Variants in LARGE2 observed in about 807,000 individuals in gnomAD.
LARGE2 encodes the protein xylosyl- and glucuronyltransferase LARGE2.
LARGE2 carries 63 observed loss-of-function variants against 75.3 expected under a neutral mutation model. The ratio of observed to expected loss-of-function variants is 0.84; its 90% CI spans 0.68 to 1.03. The LOEUF (loss-of-function observed/expected upper bound fraction) is 1.03. Among genes scored for constraint, LARGE2 ranks in the 50% least tolerant of loss-of-function variants. The pLI is 0.00. For synonymous variants in LARGE2, 428 were observed against 420.1 expected (o/e 1.02, Z -0.23); for missense variants, 925 against 980.6 (o/e 0.94, Z 0.76).
In LARGE2 at chr11:45,922,921, C is replaced by T. The variant is rs528298578; in HGVS notation, c.39C>T (p.Ala13=). 29 of 1,281,154 alleles carry T rather than the reference C, an allele frequency of 2.3e-5. No individual in the cohort carries two copies. In the East Asian group the frequency reaches 7.8e-4, roughly 35 times the overall value. The allele number at this position is 1,281,154 out of a possible 1,614,324, so 79.4% of individuals were successfully genotyped here. The change falls in exon 2 of 14, where the codon GCC becomes GCT. Residue 13 remains alanine (A), a synonymous_variant. Coordinates refer to ENST00000401752, the MANE Select transcript of LARGE2 (RefSeq NM_001300721.2). ...GGCGCCCCCGGGCGCTGGGGGCCGC[C>T]GCGCTGTTGCTGCTGCTGCTGCTGC... is the stretch of plus-strand genomic sequence containing the variant. ...PRGRPRALGA[A]ALLLLLLLLG...
At position 45,922,924 on chromosome 11, in the gene LARGE2, G is replaced by A; in HGVS notation, c.42G>A (p.Ala14=). 1 of 1,280,966 alleles carries A rather than the reference G, an allele frequency of 7.8e-7. No individual in the cohort carries two copies. The highest frequency in any genetic ancestry group is 9.8e-7 in the Non-Finnish European group (1 of 1,018,052). The allele number at this position is 1,280,966 out of a possible 1,614,324, so 79.3% of individuals were successfully genotyped here. A position where few individuals can be genotyped will look rare whatever the true frequency, so the allele number is the denominator to read the frequency against. ...RGRPRALGAA[A]LLLLLLLLGF... is the part of the protein sequence containing the mutation. ...GCCCCCGGGCGCTGGGGGCCGCCGC[G>A]CTGTTGCTGCTGCTGCTGCTGCTCG... The change falls in exon 2 of 14, where the codon GCG becomes GCA. Residue 14 remains alanine, a synonymous_variant. Coordinates refer to ENST00000401752, the MANE Select transcript of LARGE2 (RefSeq NM_001300721.2).
intron 3 of LARGE2, 72 bp from the exon 4 acceptor site, chr11:45,924,082 C>T: frequency 1.3e-6 from 2 of 1,553,832 alleles, no homozygotes; most frequent in Non-Finnish European, 1.7e-6. Context: ...ATCTCTGCGC[C>T]CCTCGGGGTG....
At chr11:45,922,440 C>T (rs1269537280), upstream of LARGE2, among the ~76,000 whole-genome samples, 1 of 152,046 alleles carries the variant, frequency 6.6e-6, no homozygotes, top group Non-Finnish European at 1.5e-5. Flanking sequence ...GGGCCCGGGC[C>T]TTCGCGGGTG....
In LARGE2 at chr11:45,922,674, G is replaced by T. The variant is rs890690014; in HGVS notation, c.-117G>T. The T allele has an allele frequency of 1.7e-5, 6 of 356,160 alleles. No individual in the cohort carries two copies. Among genetic ancestry groups the T allele is most frequent in the Admixed American group, 9.6e-5 (2 of 20,912 alleles). The allele number at this position is 356,160 out of a possible 1,614,324, so 22.1% of individuals were successfully genotyped here. A position where few individuals can be genotyped will look rare whatever the true frequency, so the allele number is the denominator to read the frequency against. On this transcript the variant is annotated 5_prime_UTR_variant, in exon 1 of 14. Transcript: ENST00000401752. ...GGCCCGCGCCTCTCCCCTGGTTCCC[G>T]CACCCTGGCCGGCGGCTGCGAGCGC...
Position 45,928,055 on chromosome 11 carries a change from T to C in LARGE2, c.1740T>C (p.Thr580=), listed in dbSNP as rs2087297033. ...TGTTGGCCTTGCTGGATGCGGGCACTCTCTACACCTTCAGGTAGGAGAGGC... is the reference window on the plus strand; with the variant it reads ...TGTTGGCCTTGCTGGATGCGGGCACCCTCTACACCTTCAGGTAGGAGAGGC... ...VELLALLDAG[T]LYTFRYHEWP... is the part of the protein sequence containing the mutation. Residue 580 remains threonine, a synonymous_variant, in exon 12 of 14, where the codon ACT becomes ACC. Transcript: ENST00000401752. 1 of 1,613,780 alleles carries C rather than the reference T, an allele frequency of 6.2e-7. No individual in the cohort carries two copies. The highest frequency in any genetic ancestry group is 1.3e-5 in the African/African-American group (1 of 75,012).
upstream of LARGE2, chr11:45,922,599 G>C (rs1318849019): frequency 3.8e-6 from 1 of 260,194 alleles, no homozygotes; most frequent in East Asian, 7.0e-5. Context: ...CCGCCCCTTC[G>C]CGCTCAGCCC....
At position 45,924,584 on chromosome 11, in the gene LARGE2, C is replaced by A. The variant is rs1393244887; in HGVS notation, c.571C>A (p.Pro191Thr). Residue 191 changes from proline to threonine, a missense_variant, in exon 5 of 14, where the codon CCT (proline) becomes ACT (threonine). Physicochemically the swap from Pro to Thr is conservative, Grantham distance 38 (BLOSUM62 -1). This residue lies in a region of LARGE2 where 453 missense variants were observed against 460.2 expected (regional missense o/e 0.98). Coordinates refer to ENST00000401752, the MANE Select transcript of LARGE2 (RefSeq NM_001300721.2). ...LMKLVLPSALPAELARVIVLD... is the reference protein window; with the variant it reads ...LMKLVLPSALTAELARVIVLD... ...GAAGCTGGTGCTGCCCAGTGCCTTGCCTGCTGAGCTGGCCCGCGTCATTGT... is the reference window on the plus strand; with the variant it reads ...GAAGCTGGTGCTGCCCAGTGCCTTGACTGCTGAGCTGGCCCGCGTCATTGT... 1 of 1,614,100 alleles carries A rather than the reference C, an allele frequency of 6.2e-7. No homozygotes were observed. The highest frequency in any genetic ancestry group is 8.5e-7 in the Non-Finnish European group (1 of 1,180,028).
intron 13 of LARGE2, 103 bp from the exon 14 acceptor site, chr11:45,928,527 T>C: frequency 6.5e-7 from 1 of 1,541,770 alleles, no homozygotes; most frequent in Non-Finnish European, 8.7e-7. Flanking sequence ...TGGCCCTTGC[T>C]TTAGCTCTCA....
At chr11:45,922,454 G>T (rs1464544379), upstream of LARGE2, among the ~76,000 whole-genome samples, 15 of 152,054 alleles carry the variant, frequency 9.9e-5, no homozygotes, top group Admixed American at 8.5e-4. Flanking sequence ...GCGGGTGGCT[G>T]CTCCCGCTCC....
chr11:45,927,438 C>A lies in LARGE2; in HGVS notation c.1449C>A (p.Ala483=). 6.2e-7 allele frequency: 1 copy of A among 1,614,206 alleles called. No homozygotes were observed. The highest frequency in any genetic ancestry group is 8.5e-7 in the Non-Finnish European group (1 of 1,180,040). The change falls in exon 11 of 14, where the codon GCC becomes GCA. Residue 483 remains alanine (A), a synonymous_variant. Coordinates refer to ENST00000401752, the MANE Select transcript of LARGE2 (RefSeq NM_001300721.2). The part of the protein sequence containing the change: ...HFVEASPVLA[A]RQDVAYHVVY... ...TCGAGGCCTCACCAGTGCTTGCTGC[C>A]CGGCAGGACGTGGCCTACCATGTGG...
chr11:45,927,247 G>A (rs2087192145), intron 10 of LARGE2, 68 bp from the exon 11 acceptor site: 1 of 1,535,918 alleles, frequency 6.5e-7, no homozygotes, highest in Admixed American at 1.9e-5. Flanking sequence ...AACTGGGGAG[G>A]TTTGCCAGGC....
rs1432472892 is a variant in LARGE2 at position 45,928,215 on chromosome 11, A to G, written c.1793A>G (p.Tyr598Cys). Residue 598 changes from tyrosine (Y) to cysteine (C), a missense_variant, in exon 13 of 14, where the codon TAT (tyrosine) becomes TGT (cysteine). Coordinates refer to ENST00000401752, the MANE Select transcript of LARGE2 (RefSeq NM_001300721.2). ...CCCCGAGGCCACGCACCCACAGACT[A>G]TGCCCGCTGGCGGGAGGCTCAGGCC... ...EWPRGHAPTD[Y>C]ARWREAQAPY... 2 of 1,613,804 alleles carry G rather than the reference A, an allele frequency of 1.2e-6. No homozygotes were observed. Among genetic ancestry groups the G allele is most frequent in the Non-Finnish European group, 1.7e-6 (2 of 1,179,998 alleles).
Position 45,924,885 on chromosome 11 carries a change from C to T in LARGE2, c.765C>T (p.Asn255=), listed in dbSNP as rs1329615481. 6.8e-7 allele frequency: 1 copy of T among 1,473,900 alleles called. No homozygotes were observed. The allele number at this position is 1,473,900 out of a possible 1,614,324, so 91.3% of individuals were successfully genotyped here. A position where few individuals can be genotyped will look rare whatever the true frequency, so the allele number is the denominator to read the frequency against. The change falls in exon 6 of 14, where the codon AAC becomes AAT. Residue 255 remains asparagine, a synonymous_variant. Transcript: ENST00000401752. ...GGCCTGCCTTGGGCCGGGGATTTAA[C>T]ACAGGTGGGGACAGTGGTGAGGGGA... ...RPWPALGRGF[N]TGVILLRLDR... is the part of the protein sequence containing the mutation.
At chr11:45,924,422 TCTC>T in intron 4 of LARGE2, 81 bp from the exon 5 acceptor site, 1 of 1,565,680 alleles carries the variant, frequency 6.4e-7, no homozygotes, top group Non-Finnish European at 8.6e-7. Flanking sequence ...GTTTACCCCC[TCTC>T]CTCTGTGTCA....
rs754908607 is a variant in LARGE2 at position 45,927,985 on chromosome 11, A to G, written c.1670A>G (p.Glu557Gly). The G allele has an allele frequency of 2.5e-6, 4 of 1,613,810 alleles. No individual in the cohort carries two copies. The East Asian group carries it at 8.9e-5, about 36-fold the overall frequency. ...GCAGCACTGGTGGTGCCGGCATTCG[A>G]GACCCTGCGCTACCGCTTCAGCTTC... ...RKAALVVPAF[E>G]TLRYRFSFPH... Residue 557 changes from glutamate to glycine, a missense_variant, in exon 12 of 14, where the codon GAG becomes GGG. Transcript: ENST00000401752.
At chr11:45,923,365 C>T (rs896684044) in intron 2 of LARGE2, 108 bp from the exon 3 acceptor site, 5 of 1,207,196 alleles carry the variant, frequency 4.1e-6, no homozygotes, top group South Asian at 2.6e-5. Context: ...CCTGCTGCCC[C>T]CTCCGCACAC....
chr11:45,928,067 C>T lies in LARGE2; in HGVS notation c.1752C>T (p.Phe584=). 6.2e-7 allele frequency: 1 copy of T among 1,613,744 alleles called. No individual in the cohort carries two copies. Among genetic ancestry groups the T allele is most frequent in the Non-Finnish European group, 8.5e-7 (1 of 1,179,938 alleles). The change falls in exon 12 of 14, where the codon TTC becomes TTT. Residue 584 remains phenylalanine, a splice_region_variant and synonymous_variant. Transcript: ENST00000401752. ...ALLDAGTLYT[F]RYHEWPRGHA... Reference sequence around the variant, plus strand: ...TGGATGCGGGCACTCTCTACACCTTCAGGTAGGAGAGGCTACTTCTCTGCC... The same window carrying T: ...TGGATGCGGGCACTCTCTACACCTTTAGGTAGGAGAGGCTACTTCTCTGCC...
chr11:45,927,402 C>T lies in LARGE2; in HGVS notation c.1413C>T (p.Phe471=). The part of the protein sequence containing the change: ...LYLTDAEAQQ[F]LHFVEASPVL... ...TGACAGACGCAGAAGCTCAGCAGTT[C>T]CTGCATTTCGTCGAGGCCTCACCAG... The change falls in exon 11 of 14, where the codon TTC becomes TTT. Residue 471 remains phenylalanine, a synonymous_variant. Transcript: ENST00000401752. The T allele has an allele frequency of 6.2e-7, 1 of 1,614,152 alleles. No homozygotes were observed. Among genetic ancestry groups the T allele is most frequent in the South Asian group, 1.1e-5 (1 of 91,086 alleles).
chr11:45,928,103 A>C, intron 12 of LARGE2, 34 bp downstream of exon 12: 1 of 1,612,636 alleles, frequency 6.2e-7, no homozygotes, highest in Non-Finnish European at 8.5e-7. Context: ...CACTCCACTC[A>C]CTTGCCCACA....
Sources: gnomAD v4.1 joint callset for allele counts (sites outside exome capture counted in the v4.1 genomes callset) on GRCh38, gnomAD v4.1.1 for gene constraint, gnomAD v4.1.1 regional missense constraint, MANE v1.5 for transcripts, NCBI Gene and HGNC (gene_info 2026-07-23, HGNC 2026-07-21) for gene names.